Variants in C3orf33 observed in about 807,000 individuals in gnomAD.
C3orf33 encodes the protein AP-1 activity suppressor.
A neutral mutation model predicts 28.7 loss-of-function variants in C3orf33; 23 were observed. That is an observed-to-expected ratio of 0.80 (90% confidence interval 0.58 to 1.13). The LOEUF (loss-of-function observed/expected upper bound fraction) is 1.13. C3orf33 is among the 50% of genes most tolerant of loss of function. The probability of loss-of-function intolerance (pLI) is 0.00; values close to 1 mark genes in which losing one functional copy is unlikely to be tolerated. For missense variants in C3orf33, 327 were observed against 353.4 expected, an observed-to-expected ratio of 0.93 and a Z score of 0.60; for synonymous variants, 119 against 120.5, an observed-to-expected ratio of 0.99 and a Z score of 0.08.
rs556859334 is a variant in C3orf33 at position 155,783,917 on chromosome 3, G to A, written c.175-8069C>T. On this transcript the variant is annotated intron_variant, in intron 2 of 4. Transcript: ENST00000340171. ...TTTATGGGTTTTTTTGTTTTGTTTT[G>A]TTTTGTTTGGGGTTTTTTTTTTGTT... Among the ~76,000 whole-genome samples, 270 of 150,300 alleles carry A rather than the reference G, an allele frequency of 1.8e-3. 2 individuals carry two copies. The highest frequency in any genetic ancestry group is 5.0e-3 in the South Asian group (24 of 4,764).
At chr3:155,803,219 A>G (rs972324088) in intron 1 of C3orf33, among the ~76,000 whole-genome samples, 4 of 152,052 alleles carry the variant, frequency 2.6e-5, no homozygotes, top group Non-Finnish European at 4.4e-5. Flanking sequence ...AACTCTCTCA[A>G]AAAGAGTAAT....
At chr3:155,792,924 T>TTG (rs1751357937) in intron 2 of C3orf33, among the ~76,000 whole-genome samples, 1 of 151,996 alleles carries the variant, frequency 6.6e-6, no homozygotes. Flanking sequence ...AAAGGGATAA[T>TTG]AACAGAGAAC....
Position 155,775,922 on chromosome 3 carries a change from C to G in C3orf33, c.175-74G>C, listed in dbSNP as rs543798802. 6 of 1,124,384 alleles carry G rather than the reference C, an allele frequency of 5.3e-6. No homozygotes were observed. In the African/African-American group the frequency reaches 9.5e-5, roughly 18 times the overall value. 69.7% of individuals were successfully genotyped at this position (1,124,384 alleles called of 1,614,324 possible). A position where few individuals can be genotyped will look rare whatever the true frequency, so the allele number is the denominator to read the frequency against. ...CTCAAAATTTAAAATGTCAAATTAT[C>G]AAAACATTTCACAAGAGTACATAAC... On this transcript the variant is annotated intron_variant, in intron 2 of 4. Coordinates refer to ENST00000340171, the MANE Select transcript of C3orf33 (RefSeq NM_001308229.2).
intron 2 of C3orf33, among the ~76,000 whole-genome samples, chr3:155,788,015 C>G (rs1215457221): frequency 6.6e-6 from 1 of 151,416 alleles, no homozygotes; most frequent in Non-Finnish European, 1.5e-5. Context: ...CACGGTGAAA[C>G]CCCGTCTCTA....
intron 3 of C3orf33, among the ~76,000 whole-genome samples, chr3:155,772,577 T>TA (rs1491466050): frequency 9.0e-6 from 1 of 110,952 alleles, no homozygotes; most frequent in Non-Finnish European, 1.7e-5. Context: ...TGTCAAAAAC[T>TA]TTTTTTTTTT....
At chr3:155,804,051 C>A (rs577530615) in intron 1 of C3orf33, 3 of 246,894 alleles carry the variant, frequency 1.2e-5, no homozygotes, top group African/African-American at 7.1e-5. Context: ...TGGCAGGCAC[C>A]TGTAATCCCA....
At chr3:155,781,382 G>C (rs941523304) in intron 2 of C3orf33, among the ~76,000 whole-genome samples, 3 of 152,044 alleles carry the variant, frequency 2.0e-5, no homozygotes, top group African/African-American at 7.2e-5. Flanking sequence ...ATTTTTGTTT[G>C]CTTGTTTTTG....
In C3orf33 at chr3:155,763,477, C is replaced by G. The variant is rs1750296795; in HGVS notation, c.*40G>C. On this transcript the variant is annotated 3_prime_UTR_variant, in exon 5 of 5. Coordinates refer to ENST00000340171, the MANE Select transcript of C3orf33 (RefSeq NM_001308229.2). ...AAAACGTCCATATATTTACATATTT[C>G]ACTCTTTGGAGAAGGTTACCTCTAG... The G allele has an allele frequency of 1.4e-6, 2 of 1,396,976 alleles. No individual in the cohort carries two copies. The highest frequency in any genetic ancestry group is 3.0e-5 in the Admixed American group (1 of 32,852). 86.5% of individuals were successfully genotyped at this position (1,396,976 alleles called of 1,614,324 possible).
rs773930331 is a variant in C3orf33, at chr3:155,775,826, G to A, written c.197C>T (p.Ser66Leu). The A allele has an allele frequency of 3.6e-5, 58 of 1,591,272 alleles. No homozygotes were observed. Among genetic ancestry groups the A allele is most frequent in the Non-Finnish European group, 4.6e-5 (54 of 1,163,886 alleles). Residue 66 changes from serine to leucine, a missense_variant, in exon 3 of 5, where the codon TCG becomes TTG. Transcript: ENST00000340171. ...IRLTSKFTSS[S>L]DIPVEFIRRN... ...TCTTATAAATTCTACTGGAATATCC[G>A]AAGAGCTTGTAAATTTTGATGTCTA...
intron 2 of C3orf33, among the ~76,000 whole-genome samples, chr3:155,795,055 G>A (rs894961152): frequency 2.6e-5 from 4 of 152,158 alleles, no homozygotes; most frequent in Admixed American, 6.6e-5. Context: ...ATGGACGTAG[G>A]ATATTCATAG....
At chr3:155,785,535 TAAATA>T (rs756132341) in intron 2 of C3orf33, among the ~76,000 whole-genome samples, 8 of 152,098 alleles carry the variant, frequency 5.3e-5, no homozygotes, top group Non-Finnish European at 1.2e-4. Context: ...GATGAAGTTA[TAAATA>T]AATAACAGAA....
At chr3:155,793,818 A>AAAAAAG (rs1751388868) in intron 2 of C3orf33, among the ~76,000 whole-genome samples, 2 of 143,398 alleles carry the variant, frequency 1.4e-5, no homozygotes, top group Admixed American at 1.4e-4. Context: ...TCAAAAAAAA[A>AAAAAAG]AAAAAAAAAC....
chr3:155,777,690 T>C (rs1287602110), intron 2 of C3orf33, among the ~76,000 whole-genome samples: 3 of 152,198 alleles, frequency 2.0e-5, no homozygotes, highest in African/African-American at 7.2e-5. Context: ...TCCTGCCTCA[T>C]GAATTTTGAT....
intron 2 of C3orf33, among the ~76,000 whole-genome samples, chr3:155,779,861 AG>A (rs1388234824): frequency 6.6e-6 from 1 of 152,190 alleles, no homozygotes; most frequent in South Asian, 2.1e-4. Context: ...TAAATTATTA[AG>A]AAGCTGAAGG....
At chr3:155,776,962 G>A (rs1324649846) in intron 2 of C3orf33, among the ~76,000 whole-genome samples, 1 of 151,858 alleles carries the variant, frequency 6.6e-6, no homozygotes, top group African/African-American at 2.4e-5. Context: ...TAAAATAAAT[G>A]AGATTTAAGA....
At chr3:155,779,317 CAG>C (rs1379220591) in intron 2 of C3orf33, among the ~76,000 whole-genome samples, 1 of 151,948 alleles carries the variant, frequency 6.6e-6, no homozygotes, top group Non-Finnish European at 1.5e-5. Flanking sequence ...TTTTTTGAGA[CAG>C]AGTCTCGCTC....
At position 155,781,768 on chromosome 3, in the gene C3orf33, CAA is replaced by C. The variant is rs36059033; in HGVS notation, c.175-5922_175-5921del. Among the ~76,000 whole-genome samples, 337 of 64,516 alleles carry C rather than the reference CAA, an allele frequency of 5.2e-3. 3 individuals carry two copies. Among genetic ancestry groups the C allele is most frequent in the African/African-American group, 0.015 (246 of 16,210 alleles). 42.3% of individuals were successfully genotyped at this position (64,516 alleles called of 152,430 possible). A position where few individuals can be genotyped will look rare whatever the true frequency, so the allele number is the denominator to read the frequency against. On this transcript the variant is annotated intron_variant, in intron 2 of 4. Coordinates refer to ENST00000340171, the MANE Select transcript of C3orf33 (RefSeq NM_001308229.2). ...TGGGTGACAGAGTGAGACTCTATCT[CAA>C]AAAAAAAAAAAAAAAAAAAATAGTG... is the stretch of plus-strand genomic sequence containing the variant.
At chr3:155,774,274 T>G (rs1221645820) in intron 3 of C3orf33, among the ~76,000 whole-genome samples, 1 of 152,074 alleles carries the variant, frequency 6.6e-6, no homozygotes, top group Admixed American at 6.6e-5. Flanking sequence ...CAGAAAAAGG[T>G]GAATAAGTAC....
At chr3:155,775,997 T>C in intron 2 of C3orf33, 149 bp from the exon 3 acceptor site, 1 of 572,488 alleles carries the variant, frequency 1.7e-6, no homozygotes, top group Non-Finnish European at 3.0e-6. Context: ...TTTAATATGA[T>C]TTAATCAAAA....
Sources: gnomAD v4.1 joint callset for allele counts (sites outside exome capture counted in the v4.1 genomes callset) on GRCh38, gnomAD v4.1.1 for gene constraint, MANE v1.5 for transcripts, NCBI Gene and HGNC (gene_info 2026-07-23, HGNC 2026-07-21) for gene names.